Variants in ASXL2 observed in about 807,000 individuals in gnomAD.
ASXL2 encodes the protein ASXL transcriptional regulator 2.
A neutral mutation model predicts 122.0 loss-of-function variants in ASXL2; 23 were observed. The ratio of observed to expected loss-of-function variants is 0.19; its 90% CI spans 0.14 to 0.27. ASXL2 has a LOEUF of 0.27. Among genes scored for constraint, ASXL2 ranks in the 10% least tolerant of loss-of-function variants. ASXL2 has a pLI of 1.00. For synonymous variants in ASXL2, 650 were observed against 637.0 expected (o/e 1.02, Z -0.31); for missense variants, 1,518 against 1,713.8 (o/e 0.89, Z 2.02).
intron 5 of ASXL2, among the ~76,000 whole-genome samples, chr2:25,773,957 G>A (rs1156884768): frequency 6.6e-6 from 1 of 151,978 alleles, no homozygotes; most frequent in African/African-American, 2.4e-5. Flanking sequence ...TTGAACCTGG[G>A]AGGCGGAGGT....
chr2:25,776,806 C>G (rs529651983), intron 5 of ASXL2, among the ~76,000 whole-genome samples: 1 of 152,204 alleles, frequency 6.6e-6, no homozygotes, highest in Non-Finnish European at 1.5e-5. Context: ...TGATTACAAA[C>G]AGAAAACAAA....
At position 25,742,084 on chromosome 2, in the gene ASXL2, T is replaced by C. The variant is rs779368997; in HGVS notation, c.4253A>G (p.His1418Arg). The C allele has an allele frequency of 1.2e-6, 2 of 1,614,028 alleles. No homozygotes were observed. Among genetic ancestry groups the C allele is most frequent in the Non-Finnish European group, 1.7e-6 (2 of 1,179,894 alleles). The change falls in exon 13 of 13, where the codon CAT (histidine) becomes CGT (arginine). Residue 1418 changes from histidine (H) to arginine (R), a missense_variant. His to Arg is a conservative substitution (Grantham distance 29). Transcript: ENST00000435504. Reference protein sequence around the residue: ...IMCKGCGAFCHDDCIGPSKLC... With the variant: ...IMCKGCGAFCRDDCIGPSKLC... Reference sequence around the variant, plus strand: ...TTTGGAGGGGCCGATGCAATCATCATGGCAGAAAGCGCCACAGCCTTTGCA... The same window carrying C: ...TTTGGAGGGGCCGATGCAATCATCACGGCAGAAAGCGCCACAGCCTTTGCA...
intron 8 of ASXL2, among the ~76,000 whole-genome samples, chr2:25,763,634 C>T (rs1324777232): frequency 6.6e-6 from 1 of 152,134 alleles, no homozygotes; most frequent in African/African-American, 2.4e-5. Context: ...AATAGTAGTG[C>T]AGTAAGAGCA....
intron 4 of ASXL2, among the ~76,000 whole-genome samples, chr2:25,803,637 T>A (rs900364017): frequency 6.6e-6 from 1 of 152,214 alleles, no homozygotes. Flanking sequence ...TGGTTTCAGA[T>A]GAAACTGTTC....
intron 5 of ASXL2, among the ~76,000 whole-genome samples, chr2:25,791,316 G>A (rs1255066770): frequency 4.0e-5 from 6 of 151,842 alleles, no homozygotes; most frequent in South Asian, 2.1e-4. Context: ...GCAAAACCCC[G>A]TCTCTACTAA....
chr2:25,851,028 A>G (rs1574448181), intron 1 of ASXL2, among the ~76,000 whole-genome samples: 1 of 151,932 alleles, frequency 6.6e-6, no homozygotes, highest in African/African-American at 2.4e-5. Context: ...AATCCCAGCT[A>G]CTCCGAAGGC....
rs140466165 is a variant in ASXL2, at chr2:25,824,478, T to TACACAC, written c.143+11054_143+11059dup. On this transcript the variant is annotated intron_variant, in intron 3 of 12. Coordinates refer to ENST00000435504, the MANE Select transcript of ASXL2 (RefSeq NM_018263.6). ...GACAGTCTCTTTACTAGTGTGCACG[T>TACACAC]ACACACACACACACACACACAATTT... Among the ~76,000 whole-genome samples, 5 of 148,734 alleles carry TACACAC rather than the reference T, an allele frequency of 3.4e-5. No homozygotes were observed. In the South Asian group the frequency reaches 6.4e-4, roughly 19 times the overall value.
In ASXL2 at chr2:25,742,770, C is replaced by T; in HGVS notation, c.3567G>A (p.Glu1189=). The T allele has an allele frequency of 1.2e-6, 2 of 1,613,996 alleles. No individual in the cohort carries two copies. The highest frequency in any genetic ancestry group is 1.7e-6 in the Non-Finnish European group (2 of 1,179,900). Residue 1189 remains glutamate, a synonymous_variant, in exon 13 of 13, where the codon GAG becomes GAA. Coordinates refer to ENST00000435504, the MANE Select transcript of ASXL2 (RefSeq NM_018263.6). Reference sequence around the variant, plus strand: ...CCTCTTTCACTGTGACAGATTCCTGCTCATCACCAGTACTTTCCTCATCAG... The same window carrying T: ...CCTCTTTCACTGTGACAGATTCCTGTTCATCACCAGTACTTTCCTCATCAG... ...DDTDEESTGD[E]QESVTVKEEP...
rs1188528349 is a variant in ASXL2 at position 25,743,769 on chromosome 2, C to G, written c.2568G>C (p.Glu856Asp). ...TATTCTTACTAGGACCTGCTTTGAG[C>G]TCAACTGTGCCATCAGCTGCACAAT... ...PVHCAADGTV[E>D]LKAGPSKNIP... The change falls in exon 13 of 13, where the codon GAG becomes GAC. Residue 856 changes from glutamate (E) to aspartate (D), a missense_variant. Physicochemically the swap from Glu to Asp is conservative, Grantham distance 45. Coordinates refer to ENST00000435504, the MANE Select transcript of ASXL2 (RefSeq NM_018263.6). The G allele has an allele frequency of 6.2e-7, 1 of 1,613,904 alleles. No homozygotes were observed. The highest frequency in any genetic ancestry group is 1.3e-5 in the African/African-American group (1 of 74,938).
In ASXL2 at chr2:25,856,851, G is replaced by A. The variant is rs530000268; in HGVS notation, c.58-11288C>T. 4.2e-4 allele frequency: 365 copies of A among 876,790 alleles called. 1 individual carries two copies. In the African/African-American group the frequency reaches 5.4e-3, roughly 13 times the overall value. The allele number at this position is 876,790 out of a possible 1,614,324, so 54.3% of individuals were successfully genotyped here. On this transcript the variant is annotated intron_variant, in intron 1 of 12. Coordinates refer to ENST00000435504, the MANE Select transcript of ASXL2 (RefSeq NM_018263.6). ...CTGGATGTCCACCCCTGAGAGGAAC[G>A]AGGTCCAAGTGGCCCAGTCATTCTG...
chr2:25,840,019 C>T (rs1396091112), intron 2 of ASXL2, among the ~76,000 whole-genome samples: 1 of 151,768 alleles, frequency 6.6e-6, no homozygotes, highest in Admixed American at 6.6e-5. Context: ...GCATGAGCCA[C>T]CATGCCCAGC....
At chr2:25,797,774 C>T (rs76646661) in intron 5 of ASXL2, among the ~76,000 whole-genome samples, 1,753 of 152,338 alleles carry the variant, frequency 0.012, 23 homozygotes, top group Non-Finnish European at 0.015. Flanking sequence ...CTCTCATCCA[C>T]TGCTGGTGCA....
chr2:25,749,833 C>G lies in ASXL2; in HGVS notation c.1723G>C (p.Glu575Gln). The G allele has an allele frequency of 6.2e-7, 1 of 1,610,442 alleles. No individual in the cohort carries two copies. Among genetic ancestry groups the G allele is most frequent in the South Asian group, 1.1e-5 (1 of 90,258 alleles). ...SLKRKSSLTQ[E>Q]EAPVSWEKRP... is the part of the protein sequence containing the mutation. ...TTCTCCCAGCTCACAGGGGCCTCTTCTTGGGTGAGGGAAGACTTCCTCTTG... is the reference window on the plus strand; with the variant it reads ...TTCTCCCAGCTCACAGGGGCCTCTTGTTGGGTGAGGGAAGACTTCCTCTTG... The change falls in exon 12 of 13, where the codon GAA (glutamate) becomes CAA (glutamine). Residue 575 changes from glutamate (E) to glutamine (Q), a missense_variant. By Grantham distance (29) the Glu-to-Gln change is conservative. Around this residue, in one of 8 missense-constraint regions of ASXL2, gnomAD observed 292 missense variants for 293.5 expected, o/e 1.00. Coordinates refer to ENST00000435504, the MANE Select transcript of ASXL2 (RefSeq NM_018263.6).
intron 11 of ASXL2, among the ~76,000 whole-genome samples, chr2:25,751,983 G>A (rs889124597): frequency 1.3e-5 from 2 of 152,038 alleles, no homozygotes; most frequent in African/African-American, 4.8e-5. Context: ...TGTTGCCCAA[G>A]TTGGTCTCGA....
chr2:25,734,036 A>G lies in ASXL2; in HGVS notation c.*7993T>C, dbSNP rs772008474. ...TTAGTGCTGGTGAAGGGTGCAATGC[A>G]GTCACAGAATTAAGACAGGTTTTTT... On this transcript the variant is annotated 3_prime_UTR_variant, in exon 13 of 13. Transcript: ENST00000435504. 6.6e-6 allele frequency: 1 copy of G among 150,984 alleles called. No individual in the cohort carries two copies. Among genetic ancestry groups the G allele is most frequent in the African/African-American group, 2.4e-5 (1 of 40,856 alleles). The allele number at this position is 150,984 out of a possible 1,614,324, so 9.4% of individuals were successfully genotyped here.
At chr2:25,842,970 C>G (rs1361074664) in intron 2 of ASXL2, among the ~76,000 whole-genome samples, 1 of 149,428 alleles carries the variant, frequency 6.7e-6, no homozygotes, top group Non-Finnish European at 1.5e-5. Context: ...TACACGCAAG[C>G]GTCACCACAC....
At position 25,741,738 on chromosome 2, in the gene ASXL2, T is replaced by G. The variant is rs2087830679; in HGVS notation, c.*291A>C. 5 of 378,208 alleles carry G rather than the reference T, an allele frequency of 1.3e-5. No individual in the cohort carries two copies. Among genetic ancestry groups the G allele is most frequent in the Non-Finnish European group, 1.9e-5 (4 of 207,070 alleles). 23.4% of individuals were successfully genotyped at this position (378,208 alleles called of 1,614,324 possible). A position where few individuals can be genotyped will look rare whatever the true frequency, so the allele number is the denominator to read the frequency against. ...GAATTCAAAGTAATACATTATTACC[T>G]AAACACTTGGAAAAATAATGTTAAA... is the stretch of plus-strand genomic sequence containing the variant. On this transcript the variant is annotated 3_prime_UTR_variant, in exon 13 of 13. Transcript: ENST00000435504.
chr2:25,753,930 AGATTT>A (rs1377663665), intron 10 of ASXL2, among the ~76,000 whole-genome samples: 1 of 152,150 alleles, frequency 6.6e-6, no homozygotes, highest in African/African-American at 2.4e-5. Flanking sequence ...CACTCCATAC[AGATTT>A]ATTTTATCTC....
intron 9 of ASXL2, among the ~76,000 whole-genome samples, chr2:25,756,634 T>C (rs1387063907): frequency 6.6e-6 from 1 of 152,212 alleles, no homozygotes; most frequent in Admixed American, 6.5e-5. Context: ...TTGACATCAT[T>C]TCCCCCTGGC....
Sources: allele counts gnomAD v4.1 joint callset (sites outside exome capture counted in the v4.1 genomes callset), GRCh38; gene constraint gnomAD v4.1.1; regional missense constraint gnomAD v4.1.1; transcripts MANE v1.5; gene names NCBI Gene and HGNC (gene_info 2026-07-23, HGNC 2026-07-21).